KLHL29: variants seen among roughly 807,000 people sequenced by gnomAD.
The protein encoded by KLHL29 is kelch-like protein 29.
In KLHL29, 21 loss-of-function variants were observed where a neutral mutation model predicts 80.4. That is an observed-to-expected ratio of 0.26 (90% confidence interval 0.19 to 0.38). The LOEUF is 0.38. KLHL29 is among the 10% of genes least tolerant of loss of function. The pLI is 1.00. For synonymous variants in KLHL29, 511 were observed against 526.8 expected, an observed-to-expected ratio of 0.97 and a Z score of 0.41; for missense variants, 867 against 1,223.9, an observed-to-expected ratio of 0.71 and a Z score of 4.35.
At chr2:23,658,323 G>A (rs1670303186) in intron 5 of KLHL29, among the ~76,000 whole-genome samples, 1 of 152,136 alleles carries the variant, frequency 6.6e-6, no homozygotes, top group African/African-American at 2.4e-5. Flanking sequence ...CACCAGGGTG[G>A]GGAAGATGCC....
At position 23,562,421 on chromosome 2, in the gene KLHL29, C is replaced by G. The variant is rs746090670; in HGVS notation, c.225C>G (p.Thr75=). The G allele has an allele frequency of 6.5e-7, 1 of 1,537,538 alleles. No homozygotes were observed. Among genetic ancestry groups the G allele is most frequent in the Non-Finnish European group, 8.7e-7 (1 of 1,146,758 alleles). Residue 75 remains threonine, a synonymous_variant, in exon 3 of 14, where the codon ACC becomes ACG. Transcript: ENST00000486442. This position sits in a 1 kb window ranked among gnomAD's most constrained non-coding sequence, Gnocchi z 4.5. ...CTACAGCTCCTGCTCCCTGCACCAC[C>G]GGCAGCAGCGAGGCCATCACCAGCC... ...TPATAPAPCT[T]GSSEAITSLV...
At chr2:23,426,633 G>A (rs1418466256) in intron 1 of KLHL29, among the ~76,000 whole-genome samples, 6 of 152,230 alleles carry the variant, frequency 3.9e-5, no homozygotes, top group Admixed American at 3.3e-4. Flanking sequence ...TACTTTTCAT[G>A]TACTTTTGGC....
chr2:23,682,652 C>T lies in KLHL29; in HGVS notation c.941-1747C>T, dbSNP rs1016715546. On this transcript the variant is annotated intron_variant, in intron 5 of 13. Transcript: ENST00000486442. This position sits in a 1 kb window ranked among gnomAD's most constrained non-coding sequence, Gnocchi z 4.1. ...CCATGGCCCTTTTGTCCACCTGCACCTGCCCCCTCGTGCTCCTGCACCCTC... is the reference window on the plus strand; with the variant it reads ...CCATGGCCCTTTTGTCCACCTGCACTTGCCCCCTCGTGCTCCTGCACCCTC... 6.6e-6 allele frequency among the ~76,000 whole-genome samples: 1 copy of T among 152,150 alleles called. No homozygotes were observed. Among genetic ancestry groups the T allele is most frequent in the Non-Finnish European group, 1.5e-5 (1 of 68,028 alleles).
rs565212138 is a variant in KLHL29, at chr2:23,408,437, CTG to C, written c.-154+22661_-154+22662del. Among the ~76,000 whole-genome samples, 482 of 152,090 alleles carry C rather than the reference CTG, an allele frequency of 3.2e-3. 1 individual carries two copies. The highest frequency in any genetic ancestry group is 5.4e-3 in the Non-Finnish European group (364 of 67,994). Reference sequence around the variant, plus strand: ...GCTATTCCATTTACTCTTGCTCTCTCTGTGTTTATTTGAGTTTACTTCCATAT... The same window carrying C: ...GCTATTCCATTTACTCTTGCTCTCTCTGTTTATTTGAGTTTACTTCCATAT... On this transcript the variant is annotated intron_variant, in intron 1 of 13. Transcript: ENST00000486442.
At chr2:23,408,917 C>G (rs1666796859) in intron 1 of KLHL29, among the ~76,000 whole-genome samples, 1 of 152,280 alleles carries the variant, frequency 6.6e-6, no homozygotes, top group African/African-American at 2.4e-5. Context: ...TCCCCTGAAG[C>G]AACAGACAAC....
rs1235654939 is a variant in KLHL29, at chr2:23,385,505, C to G, written c.-429C>G. 1 of 169,884 alleles carries G rather than the reference C, an allele frequency of 5.9e-6. No homozygotes were observed. 10.5% of individuals were successfully genotyped at this position (169,884 alleles called of 1,614,324 possible). A position where few individuals can be genotyped will look rare whatever the true frequency, so the allele number is the denominator to read the frequency against. ...CCGCGCCGCACCGCTCATAGCCGCACAGGCTGACAGGCAGGAGGACCGACT... is the reference window on the plus strand; with the variant it reads ...CCGCGCCGCACCGCTCATAGCCGCAGAGGCTGACAGGCAGGAGGACCGACT... On this transcript the variant is annotated 5_prime_UTR_variant, in exon 1 of 14. Coordinates refer to ENST00000486442, the MANE Select transcript of KLHL29 (RefSeq NM_052920.2).
intron 5 of KLHL29, among the ~76,000 whole-genome samples, chr2:23,660,301 C>A (rs1670369204): frequency 6.6e-6 from 1 of 152,220 alleles, no homozygotes; most frequent in African/African-American, 2.4e-5. Flanking sequence ...CACCTCAGCT[C>A]CCTGTTGCTT....
chr2:23,587,693 G>A (rs528794153), intron 3 of KLHL29, among the ~76,000 whole-genome samples: 151 of 152,336 alleles, frequency 9.9e-4, no homozygotes, highest in Non-Finnish European at 1.9e-3. Flanking sequence ...CGGCGTACGT[G>A]TCACCCATAT....
chr2:23,463,537 G>A (rs150450784), intron 1 of KLHL29, among the ~76,000 whole-genome samples: 31 of 152,260 alleles, frequency 2.0e-4, no homozygotes, highest in Middle Eastern at 3.4e-3. Flanking sequence ...TATATTGCAC[G>A]TATAAGCATT....
chr2:23,531,287 C>G (rs1462500665), intron 2 of KLHL29, among the ~76,000 whole-genome samples: 1 of 152,244 alleles, frequency 6.6e-6, no homozygotes, highest in East Asian at 1.9e-4. Context: ...ATGTTGGGTT[C>G]TTGTTGCCTG....
intron 2 of KLHL29, among the ~76,000 whole-genome samples, chr2:23,518,907 G>A (rs1666017949): frequency 6.6e-6 from 1 of 152,206 alleles, no homozygotes; most frequent in Admixed American, 6.5e-5. Context: ...CAGCCAAAGT[G>A]TTCAGTCTCC....
At chr2:23,482,841 A>AGG (rs1357545414) in intron 2 of KLHL29, among the ~76,000 whole-genome samples, 63 of 61,940 alleles carry the variant, frequency 1.0e-3, no homozygotes, top group African/African-American at 2.5e-3. Flanking sequence ...TCATTCATTC[A>AGG]TTCATTCATT....
chr2:23,491,661 G>A (rs1193545564), intron 2 of KLHL29, among the ~76,000 whole-genome samples: 1 of 152,116 alleles, frequency 6.6e-6, no homozygotes, highest in African/African-American at 2.4e-5. Context: ...CCCTCCGGGT[G>A]CTACTGATCT....
chr2:23,675,695 T>C (rs551266562), intron 5 of KLHL29, among the ~76,000 whole-genome samples: 1 of 152,246 alleles, frequency 6.6e-6, no homozygotes, highest in South Asian at 2.1e-4. Flanking sequence ...AATAATTAAA[T>C]CTCTCCCCAA....
intron 2 of KLHL29, among the ~76,000 whole-genome samples, chr2:23,555,045 G>C (rs1304090513): frequency 6.6e-6 from 1 of 152,060 alleles, no homozygotes; most frequent in African/African-American, 2.4e-5. Flanking sequence ...ACAGGGAGAA[G>C]CTCTTCCATC....
intron 3 of KLHL29, among the ~76,000 whole-genome samples, chr2:23,564,786 C>T (rs1667548898): frequency 6.6e-6 from 1 of 152,206 alleles, no homozygotes; most frequent in African/African-American, 2.4e-5. Context: ...TGGCTCTTGC[C>T]CTCGGGGAGC....
At chr2:23,401,369 CACTG>C (rs1283211063) in intron 1 of KLHL29, among the ~76,000 whole-genome samples, 2 of 152,202 alleles carry the variant, frequency 1.3e-5, no homozygotes, top group Middle Eastern at 3.2e-3. Flanking sequence ...TCCACCAGGT[CACTG>C]ACAGCTAACA....
intron 5 of KLHL29, among the ~76,000 whole-genome samples, chr2:23,665,836 G>A (rs532858572): frequency 1.3e-5 from 2 of 152,292 alleles, no homozygotes; most frequent in East Asian, 1.9e-4. Flanking sequence ...CCAGGGGTCC[G>A]CACCCATAAC....
intron 1 of KLHL29, among the ~76,000 whole-genome samples, chr2:23,469,143 A>G (rs917664147): frequency 2.6e-5 from 4 of 152,222 alleles, no homozygotes; most frequent in Non-Finnish European, 5.9e-5. Flanking sequence ...GAGTCGAGGA[A>G]AGCTGTGTCC....
Sources: allele counts gnomAD v4.1 joint callset (sites outside exome capture counted in the v4.1 genomes callset), GRCh38; gene constraint gnomAD v4.1.1; non-coding constraint Gnocchi (gnomAD v3.1); transcripts MANE v1.5; gene names NCBI Gene and HGNC (gene_info 2026-07-23, HGNC 2026-07-21).